Variants in DTNBP1 observed in about 807,000 individuals in gnomAD.
DTNBP1 encodes dysbindin.
DTNBP1 carries 35 observed loss-of-function variants against 42.8 expected under a neutral mutation model. That is an observed-to-expected ratio of 0.82 (90% confidence interval 0.63 to 1.09). The LOEUF is 1.09. Among genes scored for constraint, DTNBP1 ranks in the 50% least tolerant of loss-of-function variants. The probability of loss-of-function intolerance (pLI) is 0.00; values close to 1 mark genes in which losing one functional copy is unlikely to be tolerated. For synonymous variants in DTNBP1, 171 were observed against 162.2 expected (o/e 1.05, Z -0.41); for missense variants, 457 against 424.2 (o/e 1.08, Z -0.68).
At chr6:15,637,203 G>A (rs965921317) in intron 4 of DTNBP1, among the ~76,000 whole-genome samples, 36 of 152,124 alleles carry the variant, frequency 2.4e-4, no homozygotes, top group African/African-American at 8.5e-4. Context: ...GAGAGTATTC[G>A]ATTTTGGCTA....
chr6:15,575,803 G>T (rs958390356), intron 7 of DTNBP1, among the ~76,000 whole-genome samples: 65 of 152,210 alleles, frequency 4.3e-4, no homozygotes, highest in Non-Finnish European at 1.2e-4. Flanking sequence ...GGACCTCCCA[G>T]AAGAGGGAGA....
At chr6:15,601,646 C>G (rs991984718) in intron 6 of DTNBP1, among the ~76,000 whole-genome samples, 3 of 151,424 alleles carry the variant, frequency 2.0e-5, no homozygotes, top group African/African-American at 7.3e-5. Context: ...GGGTTCAAGA[C>G]CAGCCTGACC....
intron 7 of DTNBP1, among the ~76,000 whole-genome samples, chr6:15,544,743 G>A (rs917111196): frequency 1.4e-4 from 22 of 152,216 alleles, no homozygotes; most frequent in African/African-American, 4.3e-4. Context: ...TTCCAAAATC[G>A]GAAAAAATCC....
At chr6:15,636,237 G>A (rs1276135965) in intron 4 of DTNBP1, among the ~76,000 whole-genome samples, 1 of 147,066 alleles carries the variant, frequency 6.8e-6, no homozygotes, top group Non-Finnish European at 1.5e-5. Context: ...CGTAACCTCC[G>A]CCTCCCAGGT....
chr6:15,537,351 C>T (rs1469779939), intron 7 of DTNBP1, among the ~76,000 whole-genome samples: 5 of 151,874 alleles, frequency 3.3e-5, no homozygotes. Flanking sequence ...CGAACCAGGA[C>T]CCAGGAGGCA....
Position 15,652,126 on chromosome 6 carries a change from C to T in DTNBP1, c.71G>A (p.Ser24Asn). 1.2e-6 allele frequency: 2 copies of T among 1,611,518 alleles called. No homozygotes were observed. The highest frequency in any genetic ancestry group is 1.7e-6 in the Non-Finnish European group (2 of 1,178,048). Residue 24 changes from serine to asparagine, a missense_variant, in exon 2 of 10, where the codon AGT becomes AAT. Ser to Asn is a conservative substitution (Grantham distance 46, BLOSUM62 1). Transcript: ENST00000344537. ...QDFTSGLKTL[S>N]DKSREAKVKS... Reference sequence around the variant, plus strand: ...CACTTTTGCTTCTCTTGACTTGTCACTTAAAGTCTTCAGCCTATAATTCAA... The same window carrying T: ...CACTTTTGCTTCTCTTGACTTGTCATTTAAAGTCTTCAGCCTATAATTCAA...
chr6:15,613,907 C>T (rs1758572357), intron 6 of DTNBP1, among the ~76,000 whole-genome samples: 1 of 152,166 alleles, frequency 6.6e-6, no homozygotes, highest in African/African-American at 2.4e-5. Context: ...TCAGAATTAC[C>T]TAGAATGCCT....
intron 7 of DTNBP1, among the ~76,000 whole-genome samples, chr6:15,546,325 A>AC (rs1448733555): frequency 6.6e-6 from 1 of 151,948 alleles, no homozygotes; most frequent in Non-Finnish European, 1.5e-5. Context: ...TCAGCCTCCC[A>AC]AAGTGCTGGG....
intron 7 of DTNBP1, among the ~76,000 whole-genome samples, chr6:15,559,690 T>A (rs905510768): frequency 1.3e-5 from 2 of 152,170 alleles, no homozygotes; most frequent in African/African-American, 4.8e-5. Context: ...CACCAGCAGC[T>A]GGCATTGGTC....
intron 6 of DTNBP1, chr6:15,614,952 A>G (rs1243230341): frequency 1.2e-5 from 5 of 428,842 alleles, no homozygotes; most frequent in Non-Finnish European, 8.8e-6. Flanking sequence ...AAAAGAAAAG[A>G]GCAACCCAGT....
At chr6:15,573,552 C>T (rs1309719331) in intron 7 of DTNBP1, among the ~76,000 whole-genome samples, 1 of 152,062 alleles carries the variant, frequency 6.6e-6, no homozygotes, top group East Asian at 1.9e-4. Flanking sequence ...CAGTGGCTCA[C>T]ATCTATAATC....
intron 7 of DTNBP1, among the ~76,000 whole-genome samples, chr6:15,592,361 G>C (rs1024362461): frequency 6.6e-6 from 1 of 152,106 alleles, no homozygotes; most frequent in East Asian, 1.9e-4. Flanking sequence ...CTACTTAATT[G>C]CTCATGAGTA....
At chr6:15,658,214 C>A (rs1761390388) in intron 1 of DTNBP1, among the ~76,000 whole-genome samples, 1 of 152,088 alleles carries the variant, frequency 6.6e-6, no homozygotes, top group African/African-American at 2.4e-5. Flanking sequence ...ACTTTGAGTG[C>A]CTAGTCTAAT....
chr6:15,581,938 C>A (rs1362735643), intron 7 of DTNBP1, among the ~76,000 whole-genome samples: 1 of 152,152 alleles, frequency 6.6e-6, no homozygotes, highest in African/African-American at 2.4e-5. Context: ...TGAGCTTCAA[C>A]CCACATCTCA....
intron 2 of DTNBP1, 130 bp from the exon 3 acceptor site, chr6:15,651,493 C>A (rs1410455252): frequency 5.1e-5 from 65 of 1,272,022 alleles, no homozygotes; most frequent in Non-Finnish European, 7.8e-6. Context: ...AATTATTAAA[C>A]TTTTAGAGAA....
At position 15,615,365 on chromosome 6, in the gene DTNBP1, G is replaced by A; in HGVS notation, c.390C>T (p.Asn130=). 6.2e-7 allele frequency: 1 copy of A among 1,614,068 alleles called. No homozygotes were observed. The highest frequency in any genetic ancestry group is 2.2e-5 in the East Asian group (1 of 44,874). Reference sequence around the variant, plus strand: ...ATAAGTCTTCCAGATGCAGCAGGTTGTTCTCTACCTCCTCAAAACTCGCCT... The same window carrying A: ...ATAAGTCTTCCAGATGCAGCAGGTTATTCTCTACCTCCTCAAAACTCGCCT... ...HLEASFEEVE[N]NLLHLEDLCG... is the part of the protein sequence containing the mutation. Residue 130 remains asparagine (N), a synonymous_variant, in exon 6 of 10, where the codon AAC becomes AAT. Transcript: ENST00000344537.
At chr6:15,550,848 A>T (rs1301626672) in intron 7 of DTNBP1, among the ~76,000 whole-genome samples, 2 of 152,190 alleles carry the variant, frequency 1.3e-5, no homozygotes, top group South Asian at 4.1e-4. Flanking sequence ...ATGGACCTGG[A>T]GAAGTTCCTG....
chr6:15,523,277 TGCC>T (rs1463693360), intron 9 of DTNBP1, 58 bp from the exon 10 acceptor site: 25 of 1,605,600 alleles, frequency 1.6e-5, no homozygotes, highest in Non-Finnish European at 2.1e-5. Context: ...GAATCAGAAT[TGCC>T]GCCAACAGCT....
At chr6:15,655,413 C>A (rs1169486776) in intron 1 of DTNBP1, among the ~76,000 whole-genome samples, 1 of 152,176 alleles carries the variant, frequency 6.6e-6, no homozygotes, top group African/African-American at 2.4e-5. Context: ...GCATGAACCA[C>A]CATATCCAGC....
Sources: gnomAD v4.1 joint callset for allele counts (sites outside exome capture counted in the v4.1 genomes callset) on GRCh38, gnomAD v4.1.1 for gene constraint, MANE v1.5 for transcripts, NCBI Gene and HGNC (gene_info 2026-07-23, HGNC 2026-07-21) for gene names.